LTN1: variants seen among roughly 807,000 people sequenced by gnomAD.
LTN1 encodes the protein listerin E3 ubiquitin protein ligase 1.
LTN1 carries 88 observed loss-of-function variants against 201.2 expected under a neutral mutation model. That is an observed-to-expected ratio of 0.44 (90% CI 0.37 to 0.52). The LOEUF (loss-of-function observed/expected upper bound fraction) is 0.52, where lower values mean the gene tolerates loss of function less well. LTN1 is among the 20% of genes least tolerant of loss of function. The probability of loss-of-function intolerance (pLI) is 0.00; values close to 1 mark genes in which losing one functional copy is unlikely to be tolerated. For synonymous variants in LTN1, 645 were observed against 713.5 expected, an observed-to-expected ratio of 0.90 and a Z score of 1.53; for missense variants, 1,752 against 2,038.7, an observed-to-expected ratio of 0.86 and a Z score of 2.71.
At position 28,957,373 on chromosome 21, in the gene LTN1, C is replaced by G. The variant is rs1020357985; in HGVS notation, c.2851G>C (p.Asp951His). The G allele has an allele frequency of 2.5e-6, 4 of 1,605,840 alleles. No homozygotes were observed. Among genetic ancestry groups the G allele is most frequent in the Non-Finnish European group, 3.4e-6 (4 of 1,176,932 alleles). Residue 951 changes from aspartate (D) to histidine (H), a missense_variant, in exon 15 of 30, where the codon GAC (aspartate) becomes CAC (histidine). By Grantham distance (81) the Asp-to-His change is moderately conservative (BLOSUM62 -1). Coordinates refer to ENST00000361371, the MANE Select transcript of LTN1 (RefSeq NM_015565.3). ...GVYIGSVMPN[D>H]SEWEKMRQSL... Reference sequence around the variant, plus strand: ...TGCCTCATCTTTTCCCATTCACTGTCGTTCGGCATTACACTTCCAATATAA... The same window carrying G: ...TGCCTCATCTTTTCCCATTCACTGTGGTTCGGCATTACACTTCCAATATAA...
chr21:28,990,767 T>C (rs578073678), intron 1 of LTN1, among the ~76,000 whole-genome samples: 1 of 152,284 alleles, frequency 6.6e-6, no homozygotes, highest in Admixed American at 6.5e-5. Flanking sequence ...TAGATGAATC[T>C]GAATTAATCA....
chr21:28,982,027 C>T (rs1197484960), intron 5 of LTN1, among the ~76,000 whole-genome samples: 1 of 152,100 alleles, frequency 6.6e-6, no homozygotes, highest in Non-Finnish European at 1.5e-5. Flanking sequence ...CTAGCTTGAC[C>T]AACATGGTGA....
chr21:28,957,728 T>C (rs563209596), intron 14 of LTN1, among the ~76,000 whole-genome samples: 1 of 152,134 alleles, frequency 6.6e-6, no homozygotes. Flanking sequence ...CCTGACCTAT[T>C]TCAGACCAGG....
intron 25 of LTN1, among the ~76,000 whole-genome samples, chr21:28,938,024 G>A (rs1386413612): frequency 6.6e-6 from 1 of 152,046 alleles, no homozygotes; most frequent in African/African-American, 2.4e-5. Flanking sequence ...GCTAAAAACA[G>A]CTGGCCAAAA....
chr21:28,986,698 C>A lies in LTN1; in HGVS notation c.246+33G>T, dbSNP rs373501335. ...CATTTTATTTTAACAAAGGGATTTTCTTGATAATTTTTATGAAAACAAGAA... is the reference window on the plus strand; with the variant it reads ...CATTTTATTTTAACAAAGGGATTTTATTGATAATTTTTATGAAAACAAGAA... On this transcript the variant is annotated intron_variant, in intron 2 of 29. Coordinates refer to ENST00000361371, the MANE Select transcript of LTN1 (RefSeq NM_015565.3). This position sits in a 1 kb window ranked among gnomAD's most constrained non-coding sequence, Gnocchi z 4.1. The A allele has an allele frequency of 1.8e-5, 27 of 1,513,464 alleles. No homozygotes were observed. The African/African-American group carries it at 1.9e-4, about 11-fold the overall frequency. 93.8% of individuals were successfully genotyped at this position (1,513,464 alleles called of 1,614,324 possible). A position where few individuals can be genotyped will look rare whatever the true frequency, so the allele number is the denominator to read the frequency against.
Position 28,947,597 on chromosome 21 carries a change from TG to T in LTN1, c.3353del (p.Pro1118HisfsTer2). ...PHYKRKESFFPLTEGNLHTIQ... is the reference protein window; with the variant it reads ...PHYKRKESFFXLTEGNLHTIQ... The stretch of plus-strand genomic sequence containing the variant: ...TGGTATGCAAATTGCCTTCAGTTAG[TG>T]GAAAAAAACTGTTTAAAGAAAAAAA... On this transcript the variant is annotated frameshift_variant, in exon 19 of 30. Coordinates refer to ENST00000361371, the MANE Select transcript of LTN1 (RefSeq NM_015565.3). LOFTEE classifies it high-confidence loss of function. 6.4e-7 allele frequency: 1 copy of T among 1,557,266 alleles called. No homozygotes were observed. The highest frequency in any genetic ancestry group is 8.6e-7 in the Non-Finnish European group (1 of 1,162,098).
chr21:28,948,685 ATAAAT>A (rs1450904006), intron 18 of LTN1, among the ~76,000 whole-genome samples: 1 of 152,184 alleles, frequency 6.6e-6, no homozygotes, highest in Admixed American at 6.5e-5. Context: ...GTCAGAACAT[ATAAAT>A]TATTCTGTTT....
chr21:28,965,408 G>A (rs891312032), intron 11 of LTN1, among the ~76,000 whole-genome samples: 1 of 152,054 alleles, frequency 6.6e-6, no homozygotes, highest in Non-Finnish European at 1.5e-5. Flanking sequence ...TTCTTAGTCA[G>A]TGGCAATCAC....
chr21:28,963,111 G>A (rs2084493268), intron 11 of LTN1, among the ~76,000 whole-genome samples: 1 of 152,236 alleles, frequency 6.6e-6, no homozygotes, highest in Non-Finnish European at 1.5e-5. Flanking sequence ...AGCAAGTGCT[G>A]ATGTAGAAGC....
Position 28,930,153 on chromosome 21 carries a change from A to AG in LTN1, c.*294dup, listed in dbSNP as rs1255809947. 3 of 242,026 alleles carry AG rather than the reference A, an allele frequency of 1.2e-5. No homozygotes were observed. Among genetic ancestry groups the AG allele is most frequent in the Non-Finnish European group, 2.3e-5 (3 of 127,710 alleles). The allele number at this position is 242,026 out of a possible 1,614,324, so 15.0% of individuals were successfully genotyped here. The stretch of plus-strand genomic sequence containing the variant: ...TTCACAAATTCCAATTCTGTAATTT[A>AG]GGGGTTTTTCATATTTATTTTTAAA... On this transcript the variant is annotated 3_prime_UTR_variant, in exon 30 of 30. Coordinates refer to ENST00000361371, the MANE Select transcript of LTN1 (RefSeq NM_015565.3).
intron 11 of LTN1, chr21:28,964,464 T>C: frequency 1.0e-6 from 1 of 961,144 alleles, no homozygotes; most frequent in Non-Finnish European, 1.4e-6. Flanking sequence ...TTTTCAGATA[T>C]AATGTTATTG....
At chr21:28,959,873 G>C in intron 12 of LTN1, 176 bp from the exon 13 acceptor site, 1 of 558,376 alleles carries the variant, frequency 1.8e-6, no homozygotes, top group Non-Finnish European at 3.0e-6. Flanking sequence ...AAGTAAAAAA[G>C]GCAGTTTTAA....
Position 28,952,219 on chromosome 21 carries a change from C to G in LTN1, c.3285G>C (p.Leu1095Phe), listed in dbSNP as rs1282074335. The change falls in exon 18 of 30, where the codon TTG becomes TTC. Residue 1095 changes from leucine (L) to phenylalanine (F), a missense_variant. Transcript: ENST00000361371. ...GTLWSLIIAK[L>F]ILSRSISSDE... ...CAGATGAAATGCTTCGGGAAAGGAT[C>G]AACTTAGCAATAATAAGAGACCACA... 6.2e-7 allele frequency: 1 copy of G among 1,610,844 alleles called. No individual in the cohort carries two copies. Among genetic ancestry groups the G allele is most frequent in the Non-Finnish European group, 8.5e-7 (1 of 1,178,298 alleles).
rs1185254857 is a variant in LTN1, at chr21:28,986,751, C to A, written c.226G>T (p.Asp76Tyr). 2 of 1,611,948 alleles carry A rather than the reference C, an allele frequency of 1.2e-6. No homozygotes were observed. The highest frequency in any genetic ancestry group is 1.3e-5 in the African/African-American group (1 of 75,018). Reference sequence around the variant, plus strand: ...CTTGCTTTTAATTTTGTGGTGACATCTTTCTTTGAAAGTTTCCGCAGCACC... The same window carrying A: ...CTTGCTTTTAATTTTGTGGTGACATATTTCTTTGAAAGTTTCCGCAGCACC... ...RMVLRKLSKKDVTTKLKAMQE... is the reference protein window; with the variant it reads ...RMVLRKLSKKYVTTKLKAMQE... Residue 76 changes from aspartate (D) to tyrosine (Y), a missense_variant, in exon 2 of 30, where the codon GAT (aspartate) becomes TAT (tyrosine). Physicochemically the swap from Asp to Tyr is radical, Grantham distance 160 (BLOSUM62 -3). Transcript: ENST00000361371. The surrounding 1 kb of genome is among the most constrained non-coding windows in gnomAD (Gnocchi z 4.1).
chr21:28,985,414 C>T (rs958875503), intron 3 of LTN1, among the ~76,000 whole-genome samples: 11 of 150,454 alleles, frequency 7.3e-5, no homozygotes, highest in Non-Finnish European at 1.3e-4. Flanking sequence ...GAACAGAGAT[C>T]GCGCCACTGC....
intron 12 of LTN1, 180 bp from the exon 13 acceptor site, chr21:28,959,877 G>A (rs1395272468): frequency 1.9e-6 from 1 of 523,566 alleles, no homozygotes; most frequent in Non-Finnish European, 3.3e-6. Context: ...AAAAAAGGCA[G>A]TTTTAAATTA....
chr21:28,973,664 T>C (rs1027000871), intron 6 of LTN1, among the ~76,000 whole-genome samples: 1 of 152,130 alleles, frequency 6.6e-6, no homozygotes, highest in Non-Finnish European at 1.5e-5. Context: ...AAGCATTCAT[T>C]CATGAAAGAA....
rs60201675 is a variant in LTN1, at chr21:28,950,449, AT to A, written c.3344+1710del. Among the ~76,000 whole-genome samples, 250 of 152,314 alleles carry A rather than the reference AT, an allele frequency of 1.6e-3. 1 individual carries two copies. The highest frequency in any genetic ancestry group is 5.8e-3 in the African/African-American group (242 of 41,578). ...GTATTACTTTTATAATCAGAAAAAA[AT>A]GTTAATTATGCTAAAAAAGCTAATG... is the stretch of plus-strand genomic sequence containing the variant. On this transcript the variant is annotated intron_variant, in intron 18 of 29. Coordinates refer to ENST00000361371, the MANE Select transcript of LTN1 (RefSeq NM_015565.3).
chr21:28,972,436 A>G (rs1341985711), intron 6 of LTN1, among the ~76,000 whole-genome samples: 3 of 148,342 alleles, frequency 2.0e-5, no homozygotes, highest in African/African-American at 7.5e-5. Context: ...GGCGTAATAT[A>G]GTCGGCCCTC....
Sources: gnomAD v4.1 joint callset for allele counts (sites outside exome capture counted in the v4.1 genomes callset) on GRCh38, gnomAD v4.1.1 for gene constraint, Gnocchi (gnomAD v3.1) non-coding constraint, MANE v1.5 for transcripts, NCBI Gene and HGNC (gene_info 2026-07-23, HGNC 2026-07-21) for gene names.